BTBD8: variants seen among roughly 807,000 people sequenced by gnomAD.
BTBD8 encodes BTB domain containing 8, also known as BTB/POZ domain-containing protein 8.
In BTBD8, 110 loss-of-function variants were observed where a neutral mutation model predicts 162.9. That is an observed-to-expected ratio of 0.68 (90% CI 0.58 to 0.79). The LOEUF (loss-of-function observed/expected upper bound fraction) is 0.79. BTBD8 is among the 30% of genes least tolerant of loss of function. BTBD8 has a pLI of 0.00. For missense variants in BTBD8, 1,905 were observed against 2,085.4 expected (o/e 0.91, Z 1.68); for synonymous variants, 667 against 716.1 (o/e 0.93, Z 1.10).
At chr1:92,126,082 T>C (rs1373308223) in intron 4 of BTBD8, 3 of 490,584 alleles carry the variant, frequency 6.1e-6, no homozygotes, top group Non-Finnish European at 1.2e-5. Flanking sequence ...CTTAGTAAAG[T>C]GTCTATTTTA....
chr1:92,126,032 G>T (rs1649344705), intron 4 of BTBD8: 5 of 480,236 alleles, frequency 1.0e-5, no homozygotes, highest in South Asian at 5.1e-5. Context: ...GAATCCATAT[G>T]GGAAGCACAC....
rs1650733126 is a variant in BTBD8 at position 92,176,983 on chromosome 1, G to A, written c.1790G>A (p.Ser597Asn). The change falls in exon 14 of 18, where the codon AGT becomes AAT. Residue 597 changes from serine (S) to asparagine (N), a missense_variant. Physicochemically the swap from Ser to Asn is conservative, Grantham distance 46 (BLOSUM62 1). This residue lies in a region of BTBD8 where 1,374 missense variants were observed against 1,442.7 expected (regional missense o/e 0.95). Transcript: ENST00000636805. ...CATTCGTCAAGTACCAATAGAAATA[G>A]TATAAATAAAACTCTGAAGCAAGAT... Reference protein sequence around the residue: ...SGHSSSTNRNSINKTLKQDDV... With the variant: ...SGHSSSTNRNNINKTLKQDDV... The A allele has an allele frequency of 1.3e-6, 2 of 1,547,288 alleles. No individual in the cohort carries two copies. Among genetic ancestry groups the A allele is most frequent in the Admixed American group, 2.0e-5 (1 of 50,046 alleles).
chr1:92,167,737 T>A (rs1650421852), intron 10 of BTBD8, 111 bp from the exon 11 acceptor site: 6 of 820,522 alleles, frequency 7.3e-6, no homozygotes, highest in African/African-American at 3.5e-5. Context: ...AAAAATACGA[T>A]TTCTGGTTGA....
At position 92,176,733 on chromosome 1, in the gene BTBD8, A is replaced by AT. The variant is rs531885172; in HGVS notation, c.1636-88dup. 5.6e-4 allele frequency: 350 copies of AT among 625,614 alleles called. 1 individual carries two copies. The highest frequency in any genetic ancestry group is 3.7e-3 in the Middle Eastern group (8 of 2,134). 38.8% of individuals were successfully genotyped at this position (625,614 alleles called of 1,614,324 possible). The stretch of plus-strand genomic sequence containing the variant: ...CTTAAATCATAATATGAACTTTTCT[A>AT]TTTTTTTTCTTTGAAAGACTGGCTT... On this transcript the variant is annotated intron_variant, in intron 13 of 17. Transcript: ENST00000636805.
At chr1:92,153,464 G>A (rs1305690750) in intron 9 of BTBD8, among the ~76,000 whole-genome samples, 1 of 152,002 alleles carries the variant, frequency 6.6e-6, no homozygotes, top group African/African-American at 2.4e-5. Flanking sequence ...GCACACAGTT[G>A]AACAGCTGAT....
intron 9 of BTBD8, among the ~76,000 whole-genome samples, chr1:92,151,109 T>A (rs879737910): frequency 6.6e-6 from 1 of 152,020 alleles, no homozygotes; most frequent in Non-Finnish European, 1.5e-5. Flanking sequence ...TCCCAGCACT[T>A]TGGGAGGACG....
chr1:92,178,242 G>T, intron 15 of BTBD8, 70 bp from the exon 16 acceptor site: 1 of 1,185,138 alleles, frequency 8.4e-7, no homozygotes, highest in Non-Finnish European at 1.2e-6. Context: ...ACTGTTTCAG[G>T]TATTGGTCTT....
At position 92,176,825 on chromosome 1, in the gene BTBD8, A is replaced by G; in HGVS notation, c.1636-4A>G. ...TTACAAAGTATTTTTTTTCTTTTTT[A>G]TAGCAAAGGAAACAAGTTTCTGACT... On this transcript the variant is annotated splice_region_variant and splice_polypyrimidine_tract_variant and intron_variant, in intron 13 of 17. Coordinates refer to ENST00000636805, the MANE Select transcript of BTBD8 (RefSeq NM_001376131.1). 1 of 1,326,654 alleles carries G rather than the reference A, an allele frequency of 7.5e-7. No homozygotes were observed. Among genetic ancestry groups the G allele is most frequent in the Admixed American group, 3.2e-5 (1 of 31,172 alleles). The allele number at this position is 1,326,654 out of a possible 1,614,324, so 82.2% of individuals were successfully genotyped here.
At chr1:92,167,477 C>G (rs1038595902) in intron 10 of BTBD8, among the ~76,000 whole-genome samples, 4 of 152,184 alleles carry the variant, frequency 2.6e-5, no homozygotes, top group African/African-American at 7.2e-5. Context: ...ATGCAGAATT[C>G]TCTGTCTTAT....
At chr1:92,168,027 G>T in intron 11 of BTBD8, 42 bp downstream of exon 11, 1 of 1,477,778 alleles carries the variant, frequency 6.8e-7, no homozygotes, top group South Asian at 1.4e-5. Flanking sequence ...TGCAATATTT[G>T]AACTAAGATT....
chr1:92,181,737 C>A lies in BTBD8; in HGVS notation c.4054C>A (p.Arg1352=). ...TAGGAAAAGGCCAGAAATTTGGTCT[C>A]GATCTGCAATAGTTCACTCTAGGGA... ...IPRKRPEIWS[R]SAIVHSRERE... The change falls in exon 17 of 18, where the codon CGA becomes AGA. Residue 1352 remains arginine, a synonymous_variant. Transcript: ENST00000636805. 1 of 1,551,442 alleles carries A rather than the reference C, an allele frequency of 6.4e-7. No homozygotes were observed. Among genetic ancestry groups the A allele is most frequent in the Non-Finnish European group, 8.7e-7 (1 of 1,146,934 alleles).
chr1:92,176,745 T>G (rs1650720926), intron 13 of BTBD8, 84 bp from the exon 14 acceptor site: 1 of 682,238 alleles, frequency 1.5e-6, no homozygotes, highest in Non-Finnish European at 2.2e-6. Flanking sequence ...TTTTTTTCTT[T>G]GAAAGACTGG....
At position 92,177,459 on chromosome 1, in the gene BTBD8, A is replaced by C; in HGVS notation, c.2266A>C (p.Lys756Gln). Residue 756 changes from lysine to glutamine, a missense_variant, in exon 14 of 18, where the codon AAG becomes CAG. Transcript: ENST00000636805. ...PKENGSTEEE[K>Q]PSGHKLSFCD... Reference sequence around the variant, plus strand: ...AGAAAATGGATCAACAGAAGAAGAAAAGCCTTCTGGACATAAACTATCCTT... The same window carrying C: ...AGAAAATGGATCAACAGAAGAAGAACAGCCTTCTGGACATAAACTATCCTT... The C allele has an allele frequency of 6.4e-7, 1 of 1,551,604 alleles. No individual in the cohort carries two copies. Among genetic ancestry groups the C allele is most frequent in the Non-Finnish European group, 8.7e-7 (1 of 1,146,954 alleles).
intron 5 of BTBD8, among the ~76,000 whole-genome samples, chr1:92,134,356 T>C (rs1320004721): frequency 6.6e-6 from 1 of 152,236 alleles, no homozygotes; most frequent in African/African-American, 2.4e-5. Context: ...GACCATGACC[T>C]GCAAGACCCT....
At chr1:92,164,327 ATTT>A (rs1650334627) in intron 9 of BTBD8, among the ~76,000 whole-genome samples, 1 of 152,010 alleles carries the variant, frequency 6.6e-6, no homozygotes, top group African/African-American at 2.4e-5. Flanking sequence ...TCCCTACAAA[ATTT>A]TTTAGAGCTG....
At chr1:92,159,237 A>G (rs1282666943) in intron 9 of BTBD8, among the ~76,000 whole-genome samples, 1 of 151,836 alleles carries the variant, frequency 6.6e-6, no homozygotes, top group Non-Finnish European at 1.5e-5. Flanking sequence ...CAGTGGCACA[A>G]ACATGGCTCA....
intron 16 of BTBD8, among the ~76,000 whole-genome samples, chr1:92,179,683 C>T (rs1021822281): frequency 1.3e-5 from 2 of 152,154 alleles, no homozygotes; most frequent in Non-Finnish European, 2.9e-5. Context: ...TAATCCCCTT[C>T]TTTCCAGTCA....
At chr1:92,093,733 G>T (rs1280368561) in intron 2 of BTBD8, among the ~76,000 whole-genome samples, 1 of 152,210 alleles carries the variant, frequency 6.6e-6, no homozygotes, top group African/African-American at 2.4e-5. Context: ...GGTAAGCACT[G>T]AATAAGATTG....
chr1:92,106,525 G>T (rs1648731286), intron 3 of BTBD8, among the ~76,000 whole-genome samples: 1 of 151,734 alleles, frequency 6.6e-6, no homozygotes, highest in Non-Finnish European at 1.5e-5. Context: ...GCCAGGCTTG[G>T]TGGCATACAC....
Sources: gnomAD v4.1 joint callset for allele counts (sites outside exome capture counted in the v4.1 genomes callset) on GRCh38, gnomAD v4.1.1 for gene constraint, gnomAD v4.1.1 regional missense constraint, MANE v1.5 for transcripts, NCBI Gene and HGNC (gene_info 2026-07-23, HGNC 2026-07-21) for gene names.